Variants in GOLPH3 observed in about 807,000 individuals in gnomAD.
The protein encoded by GOLPH3 is golgi phosphoprotein 3.
GOLPH3 carries 14 observed loss-of-function variants against 28.5 expected under a neutral mutation model. The ratio of observed to expected loss-of-function variants is 0.49; its 90% CI spans 0.32 to 0.77. The LOEUF (loss-of-function observed/expected upper bound fraction) is 0.77. Ranked by LOEUF, GOLPH3 falls within the 30% of genes least tolerant of loss-of-function variation. The pLI, the probability that GOLPH3 is intolerant of heterozygous loss-of-function variation, is 0.03. For synonymous variants in GOLPH3, 158 were observed against 159.2 expected, an observed-to-expected ratio of 0.99 and a Z score of 0.06; for missense variants, 350 against 393.7, an observed-to-expected ratio of 0.89 and a Z score of 0.94.
intron 2 of GOLPH3, among the ~76,000 whole-genome samples, chr5:32,135,938 G>C (rs992820501): frequency 6.6e-6 from 1 of 152,116 alleles, no homozygotes; most frequent in Non-Finnish European, 1.5e-5. Context: ...CCAGGGGGAG[G>C]CTGAGGCAAG....
intron 1 of GOLPH3, among the ~76,000 whole-genome samples, chr5:32,150,422 G>GAAAA (rs35032469): frequency 9.3e-6 from 1 of 107,948 alleles, no homozygotes. Flanking sequence ...AGTTCCTAAA[G>GAAAA]AAAAAAAAAA....
At chr5:32,128,457 A>G (rs2111833239) in intron 3 of GOLPH3, among the ~76,000 whole-genome samples, 1 of 152,266 alleles carries the variant, frequency 6.6e-6, no homozygotes, top group South Asian at 2.1e-4. Context: ...CAGGAGTTCG[A>G]GACTAGCCTG....
chr5:32,172,360 CTT>C (rs767230819), intron 1 of GOLPH3, among the ~76,000 whole-genome samples: 48 of 137,440 alleles, frequency 3.5e-4, no homozygotes, highest in Non-Finnish European at 4.6e-4. Context: ...TTTTGTAAGA[CTT>C]TTTTTTTTTT....
At chr5:32,173,729 G>T in intron 1 of GOLPH3, 81 bp downstream of exon 1, 3 of 1,017,368 alleles carry the variant, frequency 2.9e-6, no homozygotes, top group Non-Finnish European at 3.8e-6. Context: ...AGCCTCGGGC[G>T]CTCACCTGGC....
At chr5:32,155,158 A>G (rs1746391975) in intron 1 of GOLPH3, among the ~76,000 whole-genome samples, 1 of 152,110 alleles carries the variant, frequency 6.6e-6, no homozygotes, top group African/African-American at 2.4e-5. Flanking sequence ...ACAACTCTAA[A>G]TACACTAAAA....
At chr5:32,142,290 G>A (rs1746086892) in intron 2 of GOLPH3, among the ~76,000 whole-genome samples, 1 of 150,952 alleles carries the variant, frequency 6.6e-6, no homozygotes, top group Non-Finnish European at 1.5e-5. Context: ...TCTCTGCCCG[G>A]ACGCCCCGTC....
chr5:32,156,779 A>C (rs1483952109), intron 1 of GOLPH3, among the ~76,000 whole-genome samples: 1 of 152,218 alleles, frequency 6.6e-6, no homozygotes, highest in Non-Finnish European at 1.5e-5. Context: ...CTGATCTGAC[A>C]GGAGGCGGAG....
chr5:32,149,476 T>C (rs536626406), intron 1 of GOLPH3, among the ~76,000 whole-genome samples: 1 of 152,326 alleles, frequency 6.6e-6, no homozygotes, highest in African/African-American at 2.4e-5. Context: ...AATTGTACAC[T>C]TCAAATGACA....
At chr5:32,131,557 A>T (rs1207815490) in intron 3 of GOLPH3, among the ~76,000 whole-genome samples, 2 of 152,256 alleles carry the variant, frequency 1.3e-5, no homozygotes, top group Non-Finnish European at 2.9e-5. Context: ...CTAGATTAAA[A>T]GACGTTACTG....
chr5:32,137,597 T>A (rs1336303982), intron 2 of GOLPH3, among the ~76,000 whole-genome samples: 2 of 152,024 alleles, frequency 1.3e-5, no homozygotes, highest in African/African-American at 4.8e-5. Flanking sequence ...AGGTGGAGGC[T>A]GCAGTGAGCT....
Position 32,174,225 on chromosome 5 carries a change from G to A in GOLPH3, c.-191C>T. The A allele has an allele frequency of 5.3e-6, 2 of 379,010 alleles. No individual in the cohort carries two copies. Among genetic ancestry groups the A allele is most frequent in the Non-Finnish European group, 4.6e-6 (1 of 215,532 alleles). 23.5% of individuals were successfully genotyped at this position (379,010 alleles called of 1,614,324 possible). ...GGCGAAGCGGGCTGGCCGGGCGTCGGCGGGGCAGGAGAGGAGCGCCTTCCT... is the reference window on the plus strand; with the variant it reads ...GGCGAAGCGGGCTGGCCGGGCGTCGACGGGGCAGGAGAGGAGCGCCTTCCT... On this transcript the variant is annotated 5_prime_UTR_variant, in exon 1 of 4. Transcript: ENST00000265070.
intron 2 of GOLPH3, among the ~76,000 whole-genome samples, chr5:32,142,402 G>A (rs1347622280): frequency 6.2e-4 from 93 of 149,742 alleles, no homozygotes; most frequent in African/African-American, 2.2e-3. Context: ...GAGCCCCTCC[G>A]CCCAGCAGCC....
At chr5:32,151,964 A>G (rs184511846) in intron 1 of GOLPH3, among the ~76,000 whole-genome samples, 97 of 152,312 alleles carry the variant, frequency 6.4e-4, no homozygotes, top group African/African-American at 2.3e-3. Context: ...AGAGAAGGAA[A>G]TAGTAGCTAT....
At chr5:32,145,655 T>C (rs1161677370) in intron 1 of GOLPH3, among the ~76,000 whole-genome samples, 3 of 152,172 alleles carry the variant, frequency 2.0e-5, no homozygotes, top group African/African-American at 7.2e-5. Context: ...AGGCTTACAT[T>C]TGACAGCAGA....
At chr5:32,150,769 C>G (rs944444279) in intron 1 of GOLPH3, among the ~76,000 whole-genome samples, 45 of 152,170 alleles carry the variant, frequency 3.0e-4, no homozygotes, top group African/African-American at 1.0e-3. Flanking sequence ...GATTCTCACG[C>G]TGGTGCTGAA....
At chr5:32,172,381 C>A (rs1746855537) in intron 1 of GOLPH3, among the ~76,000 whole-genome samples, 1 of 150,152 alleles carries the variant, frequency 6.7e-6, no homozygotes, top group African/African-American at 2.5e-5. Context: ...TTTTTGCCCA[C>A]CTTCCTGAAT....
Position 32,158,132 on chromosome 5 carries a change from T to TAAAAAAAATAC in GOLPH3, c.226-14253_226-14252insGTATTTTTTTT, listed in dbSNP as rs1308648161. Among the ~76,000 whole-genome samples, 2 of 33,684 alleles carry TAAAAAAAATAC rather than the reference T, an allele frequency of 5.9e-5. 1 individual carries two copies. The highest frequency in any genetic ancestry group is 1.2e-4 in the Non-Finnish European group (2 of 16,672). 22.1% of individuals were successfully genotyped at this position (33,684 alleles called of 152,430 possible). ...TAAATAAATAAATAAATAAATAAAA[T>TAAAAAAAATAC]ACACACACACACACACACACACACA... On this transcript the variant is annotated intron_variant, in intron 1 of 3. Transcript: ENST00000265070.
chr5:32,135,526 A>G (rs748142248), intron 3 of GOLPH3, 46 bp downstream of exon 3: 6 of 1,166,090 alleles, frequency 5.1e-6, no homozygotes, highest in South Asian at 3.9e-5. Context: ...AAACTTCGCA[A>G]TCTTTTAAAC....
Position 32,136,068 on chromosome 5 carries a change from G to A in GOLPH3, c.358-382C>T, listed in dbSNP as rs947001789. Among the ~76,000 whole-genome samples, 11 of 151,844 alleles carry A rather than the reference G, an allele frequency of 7.2e-5. No individual in the cohort carries two copies. In the East Asian group the frequency reaches 9.7e-4, roughly 13 times the overall value. On this transcript the variant is annotated intron_variant, in intron 2 of 3. Transcript: ENST00000265070. ...TGCACGCCTGTAATCCCAGCTACTC[G>A]GGTAGCTGAGGTGGGAGAATCATTT...
Sources: gnomAD v4.1 joint callset for allele counts (sites outside exome capture counted in the v4.1 genomes callset) on GRCh38, gnomAD v4.1.1 for gene constraint, MANE v1.5 for transcripts, NCBI Gene and HGNC (gene_info 2026-07-23, HGNC 2026-07-21) for gene names.